Variants in TSGA10 observed in about 807,000 individuals in gnomAD.
TSGA10 encodes the protein testis specific 10, also known as testis-specific gene 10 protein.
A neutral mutation model predicts 96.6 loss-of-function variants in TSGA10; 43 were observed. That is an observed-to-expected ratio of 0.44 (90% CI 0.35 to 0.57). The LOEUF (loss-of-function observed/expected upper bound fraction) is 0.57. TSGA10 is among the 20% of genes least tolerant of loss of function. The probability of loss-of-function intolerance (pLI) is 0.01; values close to 1 mark genes in which losing one functional copy is unlikely to be tolerated. For synonymous variants in TSGA10, 229 were observed against 269.9 expected, an observed-to-expected ratio of 0.85 and a Z score of 1.48; for missense variants, 703 against 834.4, an observed-to-expected ratio of 0.84 and a Z score of 1.94.
chr2:99,042,760 G>C (rs1308884658), intron 16 of TSGA10, among the ~76,000 whole-genome samples: 1 of 151,488 alleles, frequency 6.6e-6, no homozygotes, highest in Non-Finnish European at 1.5e-5. Flanking sequence ...CTGGAGTGTA[G>C]TGGCGTGATC....
At chr2:99,082,450 C>T (rs765827427) in intron 10 of TSGA10, among the ~76,000 whole-genome samples, 5 of 152,108 alleles carry the variant, frequency 3.3e-5, no homozygotes, top group East Asian at 1.9e-4. Flanking sequence ...GAGCGTTAGC[C>T]GTCTCTTTGG....
intron 20 of TSGA10, among the ~76,000 whole-genome samples, chr2:99,014,329 C>T (rs1005528860): frequency 5.3e-5 from 8 of 152,048 alleles, no homozygotes; most frequent in African/African-American, 1.9e-4. Context: ...AGCAAGATTC[C>T]ATCTCAAAAA....
chr2:99,103,003 G>A (rs2090943835), intron 10 of TSGA10, among the ~76,000 whole-genome samples: 1 of 149,802 alleles, frequency 6.7e-6, no homozygotes, highest in Non-Finnish European at 1.5e-5. Context: ...TTTGAAACAT[G>A]CTAAATATTC....
At chr2:99,149,010 A>C (rs568221128) in intron 1 of TSGA10, among the ~76,000 whole-genome samples, 55 of 152,176 alleles carry the variant, frequency 3.6e-4, no homozygotes, top group African/African-American at 1.3e-3. Context: ...AATAAAAATA[A>C]AAATACAAAC....
chr2:99,087,077 A>G (rs910666581), intron 10 of TSGA10, among the ~76,000 whole-genome samples: 23 of 152,108 alleles, frequency 1.5e-4, no homozygotes, highest in Admixed American at 1.2e-3. Context: ...GGTGGTGGGC[A>G]CCTGTAGTCC....
At position 99,154,887 on chromosome 2, in the gene TSGA10, C is replaced by T. The variant is rs2093733221; in HGVS notation, c.-815G>A. The T allele has an allele frequency of 7.5e-6, 3 of 402,024 alleles. No homozygotes were observed. The highest frequency in any genetic ancestry group is 1.5e-5 in the Non-Finnish European group (3 of 199,822). The allele number at this position is 402,024 out of a possible 1,614,324, so 24.9% of individuals were successfully genotyped here. On this transcript the variant is annotated 5_prime_UTR_variant, in exon 1 of 21. Coordinates refer to ENST00000393483, the MANE Select transcript of TSGA10 (RefSeq NM_025244.4). ...CCCCACGGCTCCGCAGGCGGAGAGA[C>T]TAGGCGCGATCCCTGCGCGCCCCTC...
intron 10 of TSGA10, among the ~76,000 whole-genome samples, chr2:99,088,942 G>A (rs2088922411): frequency 6.6e-6 from 1 of 152,182 alleles, no homozygotes; most frequent in Non-Finnish European, 1.5e-5. Flanking sequence ...GCAGTGTGTG[G>A]AGACTCACGT....
rs755348623 is a variant in TSGA10 at position 99,071,751 on chromosome 2, A to G, written c.1062T>C (p.Asn354=). 1.2e-5 allele frequency: 20 copies of G among 1,613,740 alleles called. No homozygotes were observed. The highest frequency in any genetic ancestry group is 1.4e-5 in the Non-Finnish European group (17 of 1,179,876). ...TAGCAAACTGTTCCTGGAGATTGTC[A>G]TTGTCATGAGCCAAGATATCTCTTT... ...ARERDILAHD[N]DNLQEQFAKA... Residue 354 remains asparagine, a synonymous_variant, in exon 14 of 21, where the codon AAT becomes AAC. Transcript: ENST00000393483.
In TSGA10 at chr2:99,107,013, C is replaced by T. The variant is rs1459258813; in HGVS notation, c.211-1316G>A. 3.3e-5 allele frequency among the ~76,000 whole-genome samples: 5 copies of T among 152,160 alleles called. No individual in the cohort carries two copies. In the South Asian group the frequency reaches 6.2e-4, roughly 19 times the overall value. On this transcript the variant is annotated intron_variant, in intron 7 of 20. Coordinates refer to ENST00000393483, the MANE Select transcript of TSGA10 (RefSeq NM_025244.4). ...ATTTCTTACAGTCTGATGGCAATTACGACCTGAGTGTGCTATCATTATCTT... is the reference window on the plus strand; with the variant it reads ...ATTTCTTACAGTCTGATGGCAATTATGACCTGAGTGTGCTATCATTATCTT...
chr2:99,137,717 G>C (rs1361954081), intron 1 of TSGA10, among the ~76,000 whole-genome samples: 1 of 152,122 alleles, frequency 6.6e-6, no homozygotes, highest in East Asian at 1.9e-4. Context: ...GGTGGGAGAT[G>C]ATGGTGACTT....
At chr2:99,123,126 T>C (rs904861755) in intron 2 of TSGA10, among the ~76,000 whole-genome samples, 1 of 152,206 alleles carries the variant, frequency 6.6e-6, no homozygotes, top group Non-Finnish European at 1.5e-5. Flanking sequence ...ATAACTGCTG[T>C]CACTTGAATT....
chr2:99,071,700 G>A lies in TSGA10; in HGVS notation c.1107+6C>T, dbSNP rs762884233. On this transcript the variant is annotated splice_donor_region_variant and intron_variant, in intron 14 of 20. Coordinates refer to ENST00000393483, the MANE Select transcript of TSGA10 (RefSeq NM_025244.4). ...TTGGAGAAAATGATTCTAGGAACAA[G>A]TGTACCTGGTTTTCTTGTTTAGCTT... The A allele has an allele frequency of 6.2e-7, 1 of 1,608,352 alleles. No individual in the cohort carries two copies. Among genetic ancestry groups the A allele is most frequent in the South Asian group, 1.1e-5 (1 of 89,820 alleles).
intron 16 of TSGA10, among the ~76,000 whole-genome samples, chr2:99,052,599 G>A (rs569146487): frequency 4.0e-4 from 61 of 151,984 alleles, no homozygotes; most frequent in African/African-American, 1.2e-3. Flanking sequence ...TTAGCCGGGC[G>A]TGGTGGCAGG....
chr2:99,005,161 T>C (rs1007428932), intron 20 of TSGA10, among the ~76,000 whole-genome samples: 3 of 152,166 alleles, frequency 2.0e-5, no homozygotes, highest in Non-Finnish European at 2.9e-5. Flanking sequence ...TAAGAGCTAC[T>C]TATGACAAAC....
chr2:99,023,897 T>C (rs1168948358), intron 17 of TSGA10, among the ~76,000 whole-genome samples: 3 of 152,202 alleles, frequency 2.0e-5, no homozygotes, highest in Non-Finnish European at 4.4e-5. Flanking sequence ...ATATGAATTT[T>C]AGATCAGTTT....
At chr2:99,003,383 C>T (rs546123835) in intron 20 of TSGA10, among the ~76,000 whole-genome samples, 31 of 152,258 alleles carry the variant, frequency 2.0e-4, no homozygotes, top group South Asian at 1.4e-3. Flanking sequence ...CAACATTAGA[C>T]AGATCAACGA....
At chr2:98,999,141 C>A (rs2104763731) in intron 20 of TSGA10, among the ~76,000 whole-genome samples, 1 of 152,154 alleles carries the variant, frequency 6.6e-6, no homozygotes, top group Non-Finnish European at 1.5e-5. Context: ...AATGATCCTC[C>A]CACCTCAGCC....
chr2:99,025,724 T>G (rs182748132), intron 17 of TSGA10, among the ~76,000 whole-genome samples: 1 of 152,334 alleles, frequency 6.6e-6, no homozygotes, highest in Admixed American at 6.5e-5. Context: ...AGATAGGCAT[T>G]TATAGCTATA....
At chr2:99,074,950 T>C (rs911271927) in intron 12 of TSGA10, among the ~76,000 whole-genome samples, 6 of 149,310 alleles carry the variant, frequency 4.0e-5, no homozygotes, top group Non-Finnish European at 5.9e-5. Context: ...AGAGACTCCG[T>C]CTCAAAAAAA....
Sources: gnomAD v4.1 joint callset for allele counts (sites outside exome capture counted in the v4.1 genomes callset) on GRCh38, gnomAD v4.1.1 for gene constraint, MANE v1.5 for transcripts, NCBI Gene and HGNC (gene_info 2026-07-23, HGNC 2026-07-21) for gene names.